Variants in MYO5B observed in about 807,000 individuals in gnomAD.
MYO5B encodes myosin VB, also known as unconventional myosin-Vb.
A neutral mutation model predicts 229.3 loss-of-function variants in MYO5B; 143 were observed. That is an observed-to-expected ratio of 0.62 (90% confidence interval 0.54 to 0.72). MYO5B has a LOEUF of 0.72. Ranked by LOEUF, MYO5B falls within the 30% of genes least tolerant of loss-of-function variation. MYO5B has a pLI of 0.00. For synonymous variants in MYO5B, 918 were observed against 885.2 expected (o/e 1.04, Z -0.66); for missense variants, 2,321 against 2,331.0 (o/e 1.00, Z 0.09).
chr18:49,994,675 C>A (rs556997266), intron 5 of MYO5B, among the ~76,000 whole-genome samples: 1 of 152,168 alleles, frequency 6.6e-6, no homozygotes, highest in African/African-American at 2.4e-5. Flanking sequence ...TTCCTCCAAC[C>A]AAAGGCGATG....
intron 1 of MYO5B, among the ~76,000 whole-genome samples, chr18:50,067,302 A>G (rs1200825250): frequency 6.6e-6 from 1 of 152,290 alleles, no homozygotes; most frequent in South Asian, 2.1e-4. Context: ...TTCCTGTTCT[A>G]TCTGTACATG....
At chr18:50,175,667 C>A (rs576704495) in intron 1 of MYO5B, among the ~76,000 whole-genome samples, 202 of 152,354 alleles carry the variant, frequency 1.3e-3, no homozygotes, top group African/African-American at 4.5e-3. Context: ...TTTCTAGACA[C>A]CTTTCAGGTG....
intron 4 of MYO5B, among the ~76,000 whole-genome samples, chr18:50,012,165 C>G (rs929485897): frequency 6.6e-6 from 1 of 152,158 alleles, no homozygotes; most frequent in Non-Finnish European, 1.5e-5. Context: ...TTTAAAATTC[C>G]ACAAGTGCTT....
chr18:49,833,779 T>G lies in MYO5B; in HGVS notation c.5394+1565A>C, dbSNP rs16951104. 6.7e-3 allele frequency among the ~76,000 whole-genome samples: 1,017 copies of G among 152,322 alleles called. 11 individuals carry two copies. The highest frequency in any genetic ancestry group is 0.023 in the African/African-American group (947 of 41,578). On this transcript the variant is annotated intron_variant, in intron 39 of 39. Transcript: ENST00000285039. ...CATATAATGGGTCCAGGTTCAGATA[T>G]CTCAGTGGCTTCTGTCATCAAACTC...
intron 1 of MYO5B, among the ~76,000 whole-genome samples, chr18:50,125,781 G>A (rs2032151824): frequency 6.6e-6 from 1 of 152,114 alleles, no homozygotes; most frequent in South Asian, 2.1e-4. Flanking sequence ...CAGATCAGTG[G>A]ATCAACAAGC....
At chr18:50,054,197 A>T (rs2030481634) in intron 2 of MYO5B, among the ~76,000 whole-genome samples, 1 of 152,074 alleles carries the variant, frequency 6.6e-6, no homozygotes, top group South Asian at 2.1e-4. Context: ...CGCACCCTGA[A>T]TCTTCCATGG....
chr18:50,113,825 T>A (rs774071099), intron 1 of MYO5B, among the ~76,000 whole-genome samples: 1 of 152,202 alleles, frequency 6.6e-6, no homozygotes, highest in Non-Finnish European at 1.5e-5. Flanking sequence ...CATCCAGGCA[T>A]CTCAAATGCT....
intron 1 of MYO5B, among the ~76,000 whole-genome samples, chr18:50,126,199 A>G (rs1005517676): frequency 1.3e-5 from 2 of 152,266 alleles, no homozygotes; most frequent in South Asian, 4.1e-4. Context: ...GTTAAAAAAC[A>G]GTAAATTTTA....
At position 50,037,466 on chromosome 18, in the gene MYO5B, T is replaced by C. The variant is rs2026462041; in HGVS notation, c.311-472A>G. Among the ~76,000 whole-genome samples the C allele has an allele frequency of 2.0e-5, 3 of 152,210 alleles. No individual in the cohort carries two copies. In the South Asian group the frequency reaches 6.2e-4, roughly 32 times the overall value. On this transcript the variant is annotated intron_variant, in intron 3 of 39. Transcript: ENST00000285039. ...GCGGACAGAGAATACAATTTACATA[T>C]CTTGAGATCTAATCTTGGCTCAGCC...
chr18:50,039,719 T>C (rs2029948956), intron 3 of MYO5B, among the ~76,000 whole-genome samples: 1 of 152,152 alleles, frequency 6.6e-6, no homozygotes, highest in African/African-American at 2.4e-5. Context: ...CAAATACTCA[T>C]TGGGTATTAT....
At chr18:49,870,381 G>C (rs1448067970) in intron 27 of MYO5B, among the ~76,000 whole-genome samples, 1 of 152,154 alleles carries the variant, frequency 6.6e-6, no homozygotes, top group African/African-American at 2.4e-5. Flanking sequence ...CATCAGATTT[G>C]ATGATTTCTT....
chr18:50,157,374 G>A (rs1356227848), intron 1 of MYO5B, among the ~76,000 whole-genome samples: 1 of 152,144 alleles, frequency 6.6e-6, no homozygotes, highest in African/African-American at 2.4e-5. Context: ...GATATCCTTT[G>A]AATATGGGAT....
chr18:50,153,654 T>C (rs981377601), intron 1 of MYO5B, among the ~76,000 whole-genome samples: 1 of 152,206 alleles, frequency 6.6e-6, no homozygotes, highest in Admixed American at 6.5e-5. Flanking sequence ...TTCGCCATGT[T>C]GGCCAGGATG....
chr18:49,967,135 T>C (rs1341055218), intron 10 of MYO5B, among the ~76,000 whole-genome samples: 3 of 152,174 alleles, frequency 2.0e-5, no homozygotes, highest in African/African-American at 7.2e-5. Context: ...TAAGAATCGA[T>C]GCTGAAATGT....
intron 6 of MYO5B, among the ~76,000 whole-genome samples, chr18:49,991,681 G>T (rs2025934340): frequency 6.6e-6 from 1 of 152,158 alleles, no homozygotes; most frequent in Non-Finnish European, 1.5e-5. Context: ...TCAGTGGGTG[G>T]AAGGCTAGGG....
At chr18:49,940,922 A>G (rs2025306483) in intron 14 of MYO5B, among the ~76,000 whole-genome samples, 1 of 152,212 alleles carries the variant, frequency 6.6e-6, no homozygotes, top group South Asian at 2.1e-4. Context: ...TTAAACTAAA[A>G]ACATACAAAA....
At chr18:50,123,856 A>C (rs996212189) in intron 1 of MYO5B, among the ~76,000 whole-genome samples, 1 of 152,236 alleles carries the variant, frequency 6.6e-6, no homozygotes, top group Admixed American at 6.5e-5. Flanking sequence ...ACTTGCCCTC[A>C]TATATCTTAC....
chr18:49,992,408 G>T lies in MYO5B; in HGVS notation c.636C>A (p.Thr212=), dbSNP rs770542452. 35 of 1,613,966 alleles carry T rather than the reference G, an allele frequency of 2.2e-5. No individual in the cohort carries two copies. The Admixed American group carries it at 4.2e-4, about 19-fold the overall frequency. The change falls in exon 6 of 40, where the codon ACC becomes ACA. Residue 212 remains threonine, a synonymous_variant. Coordinates refer to ENST00000285039, the MANE Select transcript of MYO5B (RefSeq NM_001080467.3). Reference sequence around the variant, plus strand: ...CAAAACGGCTGCTGTTGTCATTGCGGGTGGTCTTGGCATTTCCAATGGCCT... The same window carrying T: ...CAAAACGGCTGCTGTTGTCATTGCGTGTGGTCTTGGCATTTCCAATGGCCT... The part of the protein sequence containing the change: ...IMEAIGNAKT[T]RNDNSSRFGK...
chr18:50,121,394 G>A (rs573653314), intron 1 of MYO5B, among the ~76,000 whole-genome samples: 6 of 152,206 alleles, frequency 3.9e-5, no homozygotes, highest in Non-Finnish European at 8.8e-5. Flanking sequence ...ACCTTCTTAA[G>A]TAAAATTCCA....
Sources: gnomAD v4.1 joint callset for allele counts (sites outside exome capture counted in the v4.1 genomes callset) on GRCh38, gnomAD v4.1.1 for gene constraint, MANE v1.5 for transcripts, NCBI Gene and HGNC (gene_info 2026-07-23, HGNC 2026-07-21) for gene names.